Variants in NOL9 observed in about 807,000 individuals in gnomAD.
The protein encoded by NOL9 is polynucleotide 5'-hydroxyl-kinase NOL9.
NOL9 carries 28 observed loss-of-function variants against 67.9 expected under a neutral mutation model. That is an observed-to-expected ratio of 0.41 (90% CI 0.31 to 0.57). The LOEUF (loss-of-function observed/expected upper bound fraction) is 0.57. Among genes scored for constraint, NOL9 ranks in the 20% least tolerant of loss-of-function variants. The pLI is 0.25. For synonymous variants in NOL9, 356 were observed against 352.2 expected, an observed-to-expected ratio of 1.01 and a Z score of -0.12; for missense variants, 777 against 897.0, an observed-to-expected ratio of 0.87 and a Z score of 1.71.
intron 6 of NOL9, among the ~76,000 whole-genome samples, chr1:6,538,247 A>G (rs889831524): frequency 6.6e-6 from 1 of 152,190 alleles, no homozygotes; most frequent in Non-Finnish European, 1.5e-5. Context: ...TTGTCAAGAA[A>G]GCAAAAAAAC....
At chr1:6,552,802 C>G (rs569183717) in intron 1 of NOL9, among the ~76,000 whole-genome samples, 9 of 152,124 alleles carry the variant, frequency 5.9e-5, no homozygotes, top group African/African-American at 2.2e-4. Flanking sequence ...TTCTTTTCCC[C>G]TCCCTCCTTC....
At chr1:6,536,239 G>A (rs1029121397) in intron 6 of NOL9, among the ~76,000 whole-genome samples, 4 of 152,078 alleles carry the variant, frequency 2.6e-5, no homozygotes, top group Admixed American at 6.6e-5. Context: ...CCAGCTACTC[G>A]GGAGGCTGAG....
Position 6,549,613 on chromosome 1 carries a change from G to C in NOL9, c.702C>G (p.Phe234Leu), listed in dbSNP as rs773958421. The C allele has an allele frequency of 1.9e-6, 3 of 1,614,186 alleles. No individual in the cohort carries two copies. The highest frequency in any genetic ancestry group is 2.5e-6 in the Non-Finnish European group (3 of 1,180,032). The change falls in exon 3 of 12, where the codon TTC becomes TTG. Residue 234 changes from phenylalanine (F) to leucine (L), a missense_variant. Phe to Leu is a conservative substitution (Grantham distance 22). Around this residue, in one of 2 missense-constraint regions of NOL9, gnomAD observed 364 missense variants for 344.4 expected, o/e 1.06. Coordinates refer to ENST00000377705, the MANE Select transcript of NOL9 (RefSeq NM_024654.5). The part of the protein sequence containing the change: ...LEHLKTATVN[F>L]ITSYPGSSYI... ...AGGATGAACCCGGATAGCTGGTTAT[G>C]AAGTTTACAGTGGCAGTTTTCAGAT... is the stretch of plus-strand genomic sequence containing the variant.
At chr1:6,538,675 A>G (rs577574813) in intron 6 of NOL9, among the ~76,000 whole-genome samples, 43 of 151,860 alleles carry the variant, frequency 2.8e-4, no homozygotes, top group African/African-American at 1.0e-3. Context: ...AGGAAAACAA[A>G]CAGACAAAAA....
chr1:6,525,608 C>T lies in NOL9; in HGVS notation c.*246G>A, dbSNP rs111243254. 4.0e-6 allele frequency: 2 copies of T among 496,806 alleles called. No homozygotes were observed. Among genetic ancestry groups the T allele is most frequent in the African/African-American group, 1.9e-5 (1 of 52,478 alleles). 30.8% of individuals were successfully genotyped at this position (496,806 alleles called of 1,614,324 possible). A position where few individuals can be genotyped will look rare whatever the true frequency, so the allele number is the denominator to read the frequency against. Reference sequence around the variant, plus strand: ...GTTTTAATGGCACACAAACTGTTCTCTGCTGTTTTACTCCCTCTGGACAGC... The same window carrying T: ...GTTTTAATGGCACACAAACTGTTCTTTGCTGTTTTACTCCCTCTGGACAGC... On this transcript the variant is annotated 3_prime_UTR_variant, in exon 12 of 12. Coordinates refer to ENST00000377705, the MANE Select transcript of NOL9 (RefSeq NM_024654.5).
intron 7 of NOL9, 126 bp downstream of exon 7, chr1:6,533,154 G>A (rs1388532175): frequency 1.3e-5 from 13 of 965,388 alleles, no homozygotes; most frequent in Middle Eastern, 2.8e-4. Flanking sequence ...CAGCCTGGGC[G>A]ACAGAGTGAG....
In NOL9 at chr1:6,552,645, G is replaced by A. The variant is rs897192429; in HGVS notation, c.396+1462C>T. Among the ~76,000 whole-genome samples the A allele has an allele frequency of 5.9e-5, 9 of 151,524 alleles. No individual in the cohort carries two copies. The South Asian group carries it at 1.2e-3, about 21-fold the overall frequency. The stretch of plus-strand genomic sequence containing the variant: ...CTCCAAAAGTGCTGGGATTACAGGC[G>A]TGAGCCACTAGACAGGGTTTCGCCA... On this transcript the variant is annotated intron_variant, in intron 1 of 11. Coordinates refer to ENST00000377705, the MANE Select transcript of NOL9 (RefSeq NM_024654.5).
chr1:6,552,766 A>G (rs906721534), intron 1 of NOL9, among the ~76,000 whole-genome samples: 1 of 152,024 alleles, frequency 6.6e-6, no homozygotes, highest in Non-Finnish European at 1.5e-5. Context: ...CACTGTGCCC[A>G]GCTCTCTCTT....
Position 6,525,152 on chromosome 1 carries a change from TTTC to T in NOL9, c.*699_*701del, listed in dbSNP as rs1196713039. On this transcript the variant is annotated 3_prime_UTR_variant, in exon 12 of 12. Coordinates refer to ENST00000377705, the MANE Select transcript of NOL9 (RefSeq NM_024654.5). ...CTATCAAACCCGTTTAAATTTTTCTTTTCTTTTTTAAAAGATAAGGTCTTACTC... is the reference window on the plus strand; with the variant it reads ...CTATCAAACCCGTTTAAATTTTTCTTTTTTTTAAAAGATAAGGTCTTACTC... 6.6e-6 allele frequency: 1 copy of T among 152,122 alleles called. No homozygotes were observed. 9.4% of individuals were successfully genotyped at this position (152,122 alleles called of 1,614,324 possible). A position where few individuals can be genotyped will look rare whatever the true frequency, so the allele number is the denominator to read the frequency against.
At chr1:6,545,916 T>C (rs577448347) in intron 3 of NOL9, among the ~76,000 whole-genome samples, 95 of 6,636 alleles carry the variant, frequency 0.014, no homozygotes, top group African/African-American at 0.032. Context: ...TGTGTCTGTG[T>C]CTCAAAAAAA....
At chr1:6,539,139 C>T (rs1431690568) in intron 6 of NOL9, among the ~76,000 whole-genome samples, 1 of 152,160 alleles carries the variant, frequency 6.6e-6, no homozygotes, top group Non-Finnish European at 1.5e-5. Context: ...CAAACTCAGA[C>T]AGCTATAATC....
chr1:6,553,361 C>T (rs1639585110), intron 1 of NOL9, among the ~76,000 whole-genome samples: 1 of 152,124 alleles, frequency 6.6e-6, no homozygotes, highest in South Asian at 2.1e-4. Flanking sequence ...CCTAGCTCTC[C>T]CTCTACTGTG....
In NOL9 at chr1:6,525,797, G is replaced by T. The variant is rs924621907; in HGVS notation, c.*57C>A. 6 of 1,586,898 alleles carry T rather than the reference G, an allele frequency of 3.8e-6. No homozygotes were observed. The Admixed American group carries it at 1.0e-4, about 27-fold the overall frequency. On this transcript the variant is annotated 3_prime_UTR_variant, in exon 12 of 12. Transcript: ENST00000377705. ...AACTCCATCATGTCTCTTGTGGTCA[G>T]GCTTGAGACAAAGCTTTCTGGTAGG...
At chr1:6,528,296 A>G (rs936709894) in intron 10 of NOL9, among the ~76,000 whole-genome samples, 5 of 152,220 alleles carry the variant, frequency 3.3e-5, no homozygotes, top group Non-Finnish European at 7.3e-5. Context: ...GGTTCAGGTC[A>G]TTCCTGGCTG....
intron 2 of NOL9, 34 bp from the exon 3 acceptor site, chr1:6,549,732 G>C (rs759794930): frequency 2.1e-5 from 34 of 1,611,278 alleles, no homozygotes; most frequent in Middle Eastern, 1.6e-4. Flanking sequence ...CTTAGAAGCA[G>C]TAACTTCATT....
rs1156758248 is a variant in NOL9 at position 6,554,051 on chromosome 1, G to T, written c.396+56C>A. ...TCTCCTACCCTGCAGCTCTCCCGGGGCTGCCTCTCCAGCCCTCCCTGCCCT... is the reference window on the plus strand; with the variant it reads ...TCTCCTACCCTGCAGCTCTCCCGGGTCTGCCTCTCCAGCCCTCCCTGCCCT... On this transcript the variant is annotated intron_variant, in intron 1 of 11. Transcript: ENST00000377705. 7 of 1,416,364 alleles carry T rather than the reference G, an allele frequency of 4.9e-6. No individual in the cohort carries two copies. In the African/African-American group the frequency reaches 9.0e-5, roughly 18 times the overall value. The allele number at this position is 1,416,364 out of a possible 1,614,324, so 87.7% of individuals were successfully genotyped here. A position where few individuals can be genotyped will look rare whatever the true frequency, so the allele number is the denominator to read the frequency against.
intron 10 of NOL9, among the ~76,000 whole-genome samples, chr1:6,527,404 G>A (rs1638912630): frequency 6.6e-6 from 1 of 151,950 alleles, no homozygotes; most frequent in Non-Finnish European, 1.5e-5. Flanking sequence ...TCCCAGCACT[G>A]TGGAGGCTGA....
At chr1:6,540,188 G>T (rs12061822) in intron 6 of NOL9, among the ~76,000 whole-genome samples, 140,906 of 144,542 alleles carry the variant, frequency 0.97, 68,762 homozygotes, top group East Asian at 1. Context: ...AGTGGTGAGA[G>T]CTCAGCTCAC....
chr1:6,541,651 G>C (rs911987501), intron 6 of NOL9, among the ~76,000 whole-genome samples, 179 bp downstream of exon 6: 1 of 152,174 alleles, frequency 6.6e-6, no homozygotes, highest in Non-Finnish European at 1.5e-5. Flanking sequence ...TTCCTAAAAT[G>C]AGAAAGCACC....
Sources: allele counts gnomAD v4.1 joint callset (sites outside exome capture counted in the v4.1 genomes callset), GRCh38; gene constraint gnomAD v4.1.1; regional missense constraint gnomAD v4.1.1; transcripts MANE v1.5; gene names NCBI Gene and HGNC (gene_info 2026-07-23, HGNC 2026-07-21).